The following ACOT12 variants were observed in gnomAD, a reference collection of about 807,000 sequenced individuals.
ACOT12 encodes the protein acyl-CoA thioesterase 12.
A neutral mutation model predicts 67.7 loss-of-function variants in ACOT12; 51 were observed. The observed-to-expected ratio is 0.75, with a 90% confidence interval of 0.60 to 0.95. ACOT12 has a LOEUF of 0.95. Ranked by LOEUF, ACOT12 falls within the 40% of genes least tolerant of loss-of-function variation. The pLI is 0.00. For missense variants in ACOT12, 734 were observed against 708.1 expected (o/e 1.04, Z -0.41); for synonymous variants, 251 against 244.6 (o/e 1.03, Z -0.24).
At chr5:81,367,179 C>T (rs1267362971) in intron 3 of ACOT12, among the ~76,000 whole-genome samples, 1 of 151,924 alleles carries the variant, frequency 6.6e-6, no homozygotes, top group Non-Finnish European at 1.5e-5. Context: ...AAAAGAAATG[C>T]TAAAGGAATA....
chr5:81,344,710 C>A (rs1263704513), intron 8 of ACOT12, among the ~76,000 whole-genome samples, 181 bp downstream of exon 8: 1 of 151,862 alleles, frequency 6.6e-6, no homozygotes, highest in East Asian at 1.9e-4. Context: ...ATCATTTGAA[C>A]AAATGATCAG....
intron 13 of ACOT12, 61 bp downstream of exon 13, chr5:81,332,416 C>G: frequency 6.4e-7 from 1 of 1,558,554 alleles, no homozygotes; most frequent in East Asian, 2.3e-5. Flanking sequence ...TTCACATCAA[C>G]TTTTAATTTC....
At chr5:81,340,823 A>G (rs1019117716) in intron 11 of ACOT12, among the ~76,000 whole-genome samples, 34 of 152,260 alleles carry the variant, frequency 2.2e-4, no homozygotes, top group African/African-American at 7.5e-4. Context: ...TCAGATTTTT[A>G]AAATCAGATT....
chr5:81,351,112 C>T (rs1321297389), intron 5 of ACOT12, among the ~76,000 whole-genome samples: 1 of 152,226 alleles, frequency 6.6e-6, no homozygotes, highest in Non-Finnish European at 1.5e-5. Context: ...TTTTACCCAA[C>T]AATGAATCCA....
intron 10 of ACOT12, 87 bp from the exon 11 acceptor site, chr5:81,342,842 G>A: frequency 7.5e-7 from 1 of 1,332,766 alleles, no homozygotes; most frequent in Non-Finnish European, 1.1e-6. Context: ...AATGGGCACT[G>A]TTGGAGGAGG....
At chr5:81,360,550 A>G (rs561845172) in intron 4 of ACOT12, among the ~76,000 whole-genome samples, 49 of 152,356 alleles carry the variant, frequency 3.2e-4, no homozygotes, top group African/African-American at 1.1e-3. Context: ...TAAGCAAAAC[A>G]AAAGAATCAA....
At chr5:81,349,941 G>T (rs903638700) in intron 5 of ACOT12, among the ~76,000 whole-genome samples, 5 of 152,174 alleles carry the variant, frequency 3.3e-5, no homozygotes, top group African/African-American at 1.2e-4. Flanking sequence ...ACTATTTCCA[G>T]TTTGGTGGGT....
chr5:81,367,989 T>C (rs1195078844), intron 3 of ACOT12, among the ~76,000 whole-genome samples: 2 of 151,970 alleles, frequency 1.3e-5, no homozygotes, highest in Admixed American at 6.6e-5. Flanking sequence ...GGTCACAACA[T>C]CAGGAAGAGT....
At chr5:81,332,393 A>T in intron 13 of ACOT12, 84 bp downstream of exon 13, 2 of 1,439,448 alleles carry the variant, frequency 1.4e-6, no homozygotes, top group Non-Finnish European at 1.9e-6. Flanking sequence ...ATATCTACAC[A>T]GACTTCATTA....
the ACOT12 span, among the ~76,000 whole-genome samples, chr5:81,322,941 CAT>C: frequency 1.3e-5 from 2 of 152,000 alleles, no homozygotes; most frequent in Non-Finnish European, 2.9e-5. Context: ...CTGCCCTTGA[CAT>C]GTGGGGATTA....
At chr5:81,315,113 C>T in the ACOT12 span, among the ~76,000 whole-genome samples, 1 of 152,204 alleles carries the variant, frequency 6.6e-6, no homozygotes, top group East Asian at 1.9e-4. Context: ...AGGTTTCAGT[C>T]CCGTCTTTTC....
chr5:81,349,844 A>G (rs1759499644), intron 5 of ACOT12, among the ~76,000 whole-genome samples: 1 of 152,228 alleles, frequency 6.6e-6, no homozygotes, highest in Non-Finnish European at 1.5e-5. Flanking sequence ...ATTTTTAGGT[A>G]ATAAAATAGT....
intron 8 of ACOT12, among the ~76,000 whole-genome samples, chr5:81,344,572 G>A (rs1759312587): frequency 6.6e-6 from 1 of 152,162 alleles, no homozygotes; most frequent in Admixed American, 6.5e-5. Context: ...CATGAACCTG[G>A]CACGTGGCAC....
At chr5:81,356,100 G>C (rs1759704412) in intron 5 of ACOT12, among the ~76,000 whole-genome samples, 1 of 152,132 alleles carries the variant, frequency 6.6e-6, no homozygotes, top group Admixed American at 6.5e-5. Flanking sequence ...CTGGTGATAG[G>C]AGTGTTTACT....
downstream of ACOT12, among the ~76,000 whole-genome samples, chr5:81,327,732 C>T (rs114429658): frequency 0.014 from 2,074 of 152,290 alleles, 39 homozygotes; most frequent in African/African-American, 0.047. Context: ...TGAGCCACCG[C>T]GGCTGGCTGA....
At chr5:81,361,147 A>C (rs890213970) in intron 4 of ACOT12, among the ~76,000 whole-genome samples, 2 of 151,902 alleles carry the variant, frequency 1.3e-5, no homozygotes, top group Admixed American at 1.3e-4. Context: ...TTAAAGTCCA[A>C]AACTGCCCTG....
intron 4 of ACOT12, 82 bp from the exon 5 acceptor site, chr5:81,360,120 G>C: frequency 1.4e-6 from 2 of 1,394,554 alleles, no homozygotes; most frequent in Non-Finnish European, 2.0e-6. Context: ...CAAATGATAT[G>C]CTACATGGTT....
intron 7 of ACOT12, among the ~76,000 whole-genome samples, chr5:81,345,661 T>C (rs753855892): frequency 2.0e-5 from 3 of 151,988 alleles, no homozygotes; most frequent in Non-Finnish European, 4.4e-5. Context: ...AATTGGGACA[T>C]ACGGCTACCC....
chr5:81,366,647 G>C (rs1025374629), intron 3 of ACOT12, among the ~76,000 whole-genome samples: 5 of 152,040 alleles, frequency 3.3e-5, no homozygotes, highest in African/African-American at 1.2e-4. Context: ...GCCATAGTTT[G>C]CTGACTCCTA....
Sources: gnomAD v4.1 joint callset for allele counts (sites outside exome capture counted in the v4.1 genomes callset) on GRCh38, gnomAD v4.1.1 for gene constraint, MANE v1.5 for transcripts, NCBI Gene and HGNC (gene_info 2026-07-23, HGNC 2026-07-21) for gene names.